Variants in SHISA6 observed in about 807,000 individuals in gnomAD.
SHISA6 encodes protein shisa-6.
A neutral mutation model predicts 47.9 loss-of-function variants in SHISA6; 22 were observed. That is an observed-to-expected ratio of 0.46 (90% CI 0.33 to 0.66). The LOEUF (loss-of-function observed/expected upper bound fraction) is 0.66, where lower values mean the gene tolerates loss of function less well. SHISA6 is among the 30% of genes least tolerant of loss of function. SHISA6 has a pLI of 0.02. For synonymous variants in SHISA6, 388 were observed against 337.8 expected (o/e 1.15, Z -1.63); for missense variants, 680 against 764.6 (o/e 0.89, Z 1.30).
chr17:11,262,098 A>G (rs1288089300), intron 1 of SHISA6, among the ~76,000 whole-genome samples: 3 of 152,198 alleles, frequency 2.0e-5, no homozygotes, highest in Non-Finnish European at 2.9e-5. Context: ...AGTTTTTTAT[A>G]TGGTGTGAGG....
At chr17:11,407,362 C>T (rs1390210287) in intron 3 of SHISA6, among the ~76,000 whole-genome samples, 1 of 152,040 alleles carries the variant, frequency 6.6e-6, no homozygotes, top group Non-Finnish European at 1.5e-5. Flanking sequence ...GTCTATGCTG[C>T]CCTAGTGAAT....
At chr17:11,420,876 TC>T (rs1273509536) in intron 3 of SHISA6, among the ~76,000 whole-genome samples, 1 of 152,192 alleles carries the variant, frequency 6.6e-6, no homozygotes, top group Non-Finnish European at 1.5e-5. Flanking sequence ...GTTTGACCCT[TC>T]CCAGCTTCCA....
rs550837938 is a variant in SHISA6, at chr17:11,353,450, C to T, written c.800-25964C>T. Among the ~76,000 whole-genome samples, 1,351 of 145,990 alleles carry T rather than the reference C, an allele frequency of 9.3e-3. 4 individuals carry two copies. The highest frequency in any genetic ancestry group is 0.013 in the Non-Finnish European group (847 of 67,364). On this transcript the variant is annotated intron_variant, in intron 2 of 5. Transcript: ENST00000441885. ...CCAGCCTGGCAACAGAGCAAGACTCCGTCTAAAAAAAAAAAAAAAAGGGTG... is the reference window on the plus strand; with the variant it reads ...CCAGCCTGGCAACAGAGCAAGACTCTGTCTAAAAAAAAAAAAAAAAGGGTG...
chr17:11,510,999 T>C (rs1467970417), intron 3 of SHISA6, among the ~76,000 whole-genome samples: 1 of 152,172 alleles, frequency 6.6e-6, no homozygotes, highest in Non-Finnish European at 1.5e-5. Context: ...TTCTGTTAAA[T>C]GGAGCTAGGA....
chr17:11,365,829 T>C (rs951458995), intron 2 of SHISA6, among the ~76,000 whole-genome samples: 1 of 152,142 alleles, frequency 6.6e-6, no homozygotes, highest in Admixed American at 6.6e-5. Flanking sequence ...ATGCCCTTGA[T>C]GAAAATACAG....
chr17:11,250,344 T>G (rs1358552460), intron 1 of SHISA6, among the ~76,000 whole-genome samples: 1 of 152,206 alleles, frequency 6.6e-6, no homozygotes, highest in African/African-American at 2.4e-5. Flanking sequence ...CCAGACTGCC[T>G]TAGATGATGT....
chr17:11,338,295 A>G (rs1435235511), intron 2 of SHISA6, among the ~76,000 whole-genome samples: 1 of 152,208 alleles, frequency 6.6e-6, no homozygotes, highest in African/African-American at 2.4e-5. Context: ...CCCCAAAGTG[A>G]TAGTCCAAGG....
intron 2 of SHISA6, among the ~76,000 whole-genome samples, chr17:11,350,102 C>T (rs954528047): frequency 2.6e-5 from 4 of 151,814 alleles, no homozygotes; most frequent in African/African-American, 9.7e-5. Context: ...AGTGATTCCC[C>T]TGCCTCAGCC....
intron 2 of SHISA6, among the ~76,000 whole-genome samples, chr17:11,277,280 T>A (rs12947120): frequency 0.18 from 9,445 of 53,632 alleles, 757 homozygotes; most frequent in African/African-American, 0.23. Context: ...TCTCTCTCTC[T>A]CACACACACA....
At chr17:11,351,848 C>G (rs1002339996) in intron 2 of SHISA6, among the ~76,000 whole-genome samples, 2 of 152,154 alleles carry the variant, frequency 1.3e-5, no homozygotes, top group African/African-American at 2.4e-5. Context: ...AGCCATACTG[C>G]AACAATATAT....
intron 5 of SHISA6, among the ~76,000 whole-genome samples, chr17:11,557,061 T>C (rs2071987903): frequency 6.6e-6 from 1 of 152,140 alleles, no homozygotes; most frequent in Non-Finnish European, 1.5e-5. Context: ...CCAGCTTGCG[T>C]TATGGGCACA....
rs143061942 is a variant in SHISA6, at chr17:11,395,765, G to T, written c.895+16256G>T. Among the ~76,000 whole-genome samples the T allele has an allele frequency of 2.6e-3, 392 of 152,142 alleles. 1 individual carries two copies. The highest frequency in any genetic ancestry group is 8.9e-3 in the African/African-American group (369 of 41,520). ...ACTCCTGATCTCAAGTGATCTACCA[G>T]CCTCGGCCTCCCAAAGTGCTGGGAT... On this transcript the variant is annotated intron_variant, in intron 3 of 5. Coordinates refer to ENST00000441885, the MANE Select transcript of SHISA6 (RefSeq NM_207386.4).
Position 11,552,455 on chromosome 17 carries a change from C to G in SHISA6, c.952+503C>G, listed in dbSNP as rs545655503. Among the ~76,000 whole-genome samples, 15 of 152,246 alleles carry G rather than the reference C, an allele frequency of 9.9e-5. No homozygotes were observed. The South Asian group carries it at 2.7e-3, about 27-fold the overall frequency. ...AGTGGAGGAGTGTTAGCATAGTGCC[C>G]AAGGGTTATAAAACTATGTTTCCCT... On this transcript the variant is annotated intron_variant, in intron 4 of 5. Coordinates refer to ENST00000441885, the MANE Select transcript of SHISA6 (RefSeq NM_207386.4).
At chr17:11,553,570 T>C (rs73288825) in intron 4 of SHISA6, among the ~76,000 whole-genome samples, 5,779 of 152,218 alleles carry the variant, frequency 0.038, 322 homozygotes, top group African/African-American at 0.12. Context: ...TTTCTCTGCA[T>C]TGCTTTCTTG....
Position 11,362,563 on chromosome 17 carries a change from A to C in SHISA6, c.800-16851A>C, listed in dbSNP as rs1480936095. 2.0e-5 allele frequency among the ~76,000 whole-genome samples: 3 copies of C among 152,232 alleles called. No homozygotes were observed. The East Asian group carries it at 5.8e-4, about 29-fold the overall frequency. ...CAGCCCGATGCTCCCGAAAGACCAC[A>C]GCCTTTGGAGTAAAACTAAGCTTTG... On this transcript the variant is annotated intron_variant, in intron 2 of 5. Transcript: ENST00000441885.
At chr17:11,255,898 G>T (rs1907988993) in intron 1 of SHISA6, among the ~76,000 whole-genome samples, 1 of 152,256 alleles carries the variant, frequency 6.6e-6, no homozygotes, top group Non-Finnish European at 1.5e-5. Context: ...AAATATTTAT[G>T]TAAGTGCTTA....
rs138047092 is a variant in SHISA6 at position 11,261,728 on chromosome 17, G to A, written c.639-1638G>A. Among the ~76,000 whole-genome samples, 279 of 152,250 alleles carry A rather than the reference G, an allele frequency of 1.8e-3. 2 individuals carry two copies. The highest frequency in any genetic ancestry group is 6.3e-3 in the African/African-American group (261 of 41,542). The stretch of plus-strand genomic sequence containing the variant: ...TCAGCAGTTGATGGACTTTTGGGTT[G>A]TATCTACCCTTTGGCTGTTATTAAT... On this transcript the variant is annotated intron_variant, in intron 1 of 5. Coordinates refer to ENST00000441885, the MANE Select transcript of SHISA6 (RefSeq NM_207386.4).
chr17:11,434,171 C>T (rs916853852), intron 3 of SHISA6, among the ~76,000 whole-genome samples: 1 of 149,656 alleles, frequency 6.7e-6, no homozygotes, highest in Non-Finnish European at 1.5e-5. Context: ...TCAAGTGATT[C>T]TCCCACCTCA....
rs1364757514 is a variant in SHISA6, at chr17:11,379,432, C to G, written c.818C>G (p.Ala273Gly). 1 of 1,539,456 alleles carries G rather than the reference C, an allele frequency of 6.5e-7. No individual in the cohort carries two copies. Among genetic ancestry groups the G allele is most frequent in the Non-Finnish European group, 8.8e-7 (1 of 1,141,958 alleles). The stretch of plus-strand genomic sequence containing the variant: ...CTTGCAGGGCATTATGGGAAGGATG[C>G]TTACCGAAGTGGAGGACCTGATCTC... ...KQTPGHYGKD[A>G]YRSGGPDLHN... The change falls in exon 3 of 6, where the codon GCT (alanine) becomes GGT (glycine). Residue 273 changes from alanine to glycine, a missense_variant. Physicochemically the swap from Ala to Gly is moderately conservative, Grantham distance 60. Coordinates refer to ENST00000441885, the MANE Select transcript of SHISA6 (RefSeq NM_207386.4).
Sources: gnomAD v4.1 joint callset for allele counts (sites outside exome capture counted in the v4.1 genomes callset) on GRCh38, gnomAD v4.1.1 for gene constraint, MANE v1.5 for transcripts, NCBI Gene and HGNC (gene_info 2026-07-23, HGNC 2026-07-21) for gene names.